IQGAP2: variants seen among roughly 807,000 people sequenced by gnomAD.
IQGAP2 encodes the protein IQ motif containing GTPase activating protein 2.
In IQGAP2, 173 loss-of-function variants were observed where a neutral mutation model predicts 201.3. The ratio of observed to expected loss-of-function variants is 0.86; its 90% CI spans 0.76 to 0.98. IQGAP2 has a LOEUF of 0.98. IQGAP2 is among the 50% of genes least tolerant of loss of function. IQGAP2 has a pLI of 0.00. For missense variants in IQGAP2, 1,687 were observed against 1,864.8 expected (o/e 0.90, Z 1.76); for synonymous variants, 675 against 673.9 (o/e 1.00, Z -0.03).
At chr5:76,707,153 C>A (rs749858619) in intron 35 of IQGAP2, 47 bp from the exon 36 acceptor site, 1 of 890,468 alleles carries the variant, frequency 1.1e-6, no homozygotes, top group Non-Finnish European at 1.9e-6. Flanking sequence ...TTTTTAAATG[C>A]ACAAAATGTC....
intron 21 of IQGAP2, among the ~76,000 whole-genome samples, chr5:76,663,981 A>G (rs1190567973): frequency 6.6e-6 from 1 of 152,254 alleles, no homozygotes; most frequent in East Asian, 1.9e-4. Flanking sequence ...AACTTTCTCC[A>G]TATCAGCAAT....
Position 76,702,468 on chromosome 5 carries a change from TC to T in IQGAP2, c.4506-12del, listed in dbSNP as rs751169993. 4.1e-6 allele frequency: 5 copies of T among 1,208,088 alleles called. No homozygotes were observed. Among genetic ancestry groups the T allele is most frequent in the East Asian group, 2.3e-5 (1 of 42,810 alleles). 74.8% of individuals were successfully genotyped at this position (1,208,088 alleles called of 1,614,324 possible). A position where few individuals can be genotyped will look rare whatever the true frequency, so the allele number is the denominator to read the frequency against. On this transcript the variant is annotated splice_polypyrimidine_tract_variant and intron_variant, in intron 34 of 35. Coordinates refer to ENST00000274364, the MANE Select transcript of IQGAP2 (RefSeq NM_006633.5). ...TTTGTAATTTCTCATGTATGAATGT[TC>T]CTTTCTTCACAGGTTTAAGAATGTT...
At chr5:76,687,567 A>AGGG (rs35310145) in intron 30 of IQGAP2, among the ~76,000 whole-genome samples, 6,894 of 152,250 alleles carry the variant, frequency 0.045, 544 homozygotes, top group East Asian at 0.4. Context: ...ACACAGCAGG[A>AGGG]GGGGAGCAAG....
intron 1 of IQGAP2, among the ~76,000 whole-genome samples, chr5:76,446,822 A>G (rs1463129245): frequency 6.6e-6 from 1 of 152,252 alleles, no homozygotes; most frequent in Non-Finnish European, 1.5e-5. Flanking sequence ...CATATCCAGC[A>G]TAAAAGTAGC....
At chr5:76,434,002 G>T (rs1331502605) in intron 1 of IQGAP2, among the ~76,000 whole-genome samples, 1 of 152,154 alleles carries the variant, frequency 6.6e-6, no homozygotes, top group Non-Finnish European at 1.5e-5. Context: ...CTGTGGTTCA[G>T]AGTTTTTCGT....
At chr5:76,644,718 A>G (rs1751890320) in intron 17 of IQGAP2, among the ~76,000 whole-genome samples, 3 of 152,196 alleles carry the variant, frequency 2.0e-5, no homozygotes, top group Admixed American at 2.0e-4. Context: ...GCTATGCACA[A>G]GAGTTCTGTT....
chr5:76,585,879 T>C (rs994203371), intron 5 of IQGAP2, among the ~76,000 whole-genome samples: 17 of 152,218 alleles, frequency 1.1e-4, no homozygotes, highest in African/African-American at 3.6e-4. Flanking sequence ...TTGCAGTTTA[T>C]CTTGCCTGTT....
chr5:76,541,521 G>A (rs1233369973), intron 2 of IQGAP2, among the ~76,000 whole-genome samples: 1 of 152,152 alleles, frequency 6.6e-6, no homozygotes, highest in Non-Finnish European at 1.5e-5. Context: ...TTGAGTCTTT[G>A]CTTCTAATTC....
chr5:76,448,417 C>A (rs6453223), intron 1 of IQGAP2, among the ~76,000 whole-genome samples: 1,726 of 152,272 alleles, frequency 0.011, 38 homozygotes, highest in African/African-American at 0.039. Context: ...TGCTGGATCT[C>A]TTCTCTCTGC....
intron 1 of IQGAP2, among the ~76,000 whole-genome samples, chr5:76,404,108 A>G (rs1332645128): frequency 6.6e-6 from 1 of 151,982 alleles, no homozygotes; most frequent in Non-Finnish European, 1.5e-5. Flanking sequence ...GCGCCCTCGA[A>G]CTTCACCTGA....
intron 17 of IQGAP2, among the ~76,000 whole-genome samples, chr5:76,646,266 A>G (rs1316993580): frequency 6.6e-6 from 1 of 152,186 alleles, no homozygotes; most frequent in African/African-American, 2.4e-5. Flanking sequence ...TGGTGACATC[A>G]GAGAATTTTG....
intron 8 of IQGAP2, 30 bp from the exon 9 acceptor site, chr5:76,592,808 T>G (rs956757603): frequency 1.4e-6 from 2 of 1,388,000 alleles, no homozygotes; most frequent in African/African-American, 2.9e-5. Flanking sequence ...TTATTTAACC[T>G]CAGAAATCAG....
At chr5:76,679,413 T>C (rs1472119580) in intron 28 of IQGAP2, among the ~76,000 whole-genome samples, 1 of 152,216 alleles carries the variant, frequency 6.6e-6, no homozygotes, top group Non-Finnish European at 1.5e-5. Flanking sequence ...AATTGTGTAA[T>C]TTCATAGGAA....
chr5:76,409,343 T>C (rs1345731672), intron 1 of IQGAP2, among the ~76,000 whole-genome samples: 1 of 144,432 alleles, frequency 6.9e-6, no homozygotes, highest in Non-Finnish European at 1.5e-5. Flanking sequence ...GCTTCCCGGG[T>C]TCAAGCAATT....
intron 22 of IQGAP2, among the ~76,000 whole-genome samples, chr5:76,667,549 A>T (rs538666581): frequency 1.6e-4 from 25 of 152,284 alleles, no homozygotes; most frequent in African/African-American, 6.0e-4. Flanking sequence ...GAAAAGCCAC[A>T]TCACCATGAA....
chr5:76,673,874 C>T lies in IQGAP2; in HGVS notation c.3210-78C>T, dbSNP rs1389956698. 4 of 882,268 alleles carry T rather than the reference C, an allele frequency of 4.5e-6. No individual in the cohort carries two copies. In the African/African-American group the frequency reaches 6.7e-5, roughly 15 times the overall value. 54.7% of individuals were successfully genotyped at this position (882,268 alleles called of 1,614,324 possible). On this transcript the variant is annotated intron_variant, in intron 25 of 35. Coordinates refer to ENST00000274364, the MANE Select transcript of IQGAP2 (RefSeq NM_006633.5). ...AGAAAAACTACTCAGCTGAAGTTGA[C>T]TGGAACAATTGCTGTGTGTTTTTTC...
At chr5:76,496,447 C>G (rs1042589841) in intron 2 of IQGAP2, among the ~76,000 whole-genome samples, 1 of 152,160 alleles carries the variant, frequency 6.6e-6, no homozygotes, top group Non-Finnish European at 1.5e-5. Flanking sequence ...AGACAAAGCA[C>G]AAGTCTGCCA....
chr5:76,656,637 GT>G (rs920936416), intron 20 of IQGAP2, among the ~76,000 whole-genome samples: 219 of 150,342 alleles, frequency 1.5e-3, no homozygotes, highest in African/African-American at 4.1e-3. Context: ...CAGGTAAAGT[GT>G]TTTTTTTTAA....
Position 76,702,089 on chromosome 5 carries a change from G to A in IQGAP2, c.4506-393G>A, listed in dbSNP as rs193284546. On this transcript the variant is annotated intron_variant, in intron 34 of 35. Coordinates refer to ENST00000274364, the MANE Select transcript of IQGAP2 (RefSeq NM_006633.5). Reference sequence around the variant, plus strand: ...CTCTGAAAGTGCTGGGATTACAGGCGTGAGCGACTGCGCCTGGCCTGAAGT... The same window carrying A: ...CTCTGAAAGTGCTGGGATTACAGGCATGAGCGACTGCGCCTGGCCTGAAGT... 3.7e-3 allele frequency among the ~76,000 whole-genome samples: 569 copies of A among 152,342 alleles called. 2 individuals carry two copies. The highest frequency in any genetic ancestry group is 0.031 in the Middle Eastern group (9 of 294).
Sources: allele counts gnomAD v4.1 joint callset (sites outside exome capture counted in the v4.1 genomes callset), GRCh38; gene constraint gnomAD v4.1.1; transcripts MANE v1.5; gene names NCBI Gene and HGNC (gene_info 2026-07-23, HGNC 2026-07-21).